Variants in LDLRAD2 observed in about 807,000 individuals in gnomAD.
LDLRAD2 encodes the protein low-density lipoprotein receptor class A domain-containing protein 2.
In LDLRAD2, 25 loss-of-function variants were observed where a neutral mutation model predicts 24.9. The ratio of observed to expected loss-of-function variants is 1.00; its 90% CI spans 0.73 to 1.40. The LOEUF is 1.40. Ranked by LOEUF, LDLRAD2 falls within the 40% of genes most tolerant of loss-of-function variation. The pLI is 0.00. For missense variants in LDLRAD2, 391 were observed against 366.2 expected, an observed-to-expected ratio of 1.07 and a Z score of -0.55; for synonymous variants, 182 against 166.7, an observed-to-expected ratio of 1.09 and a Z score of -0.71.
At chr1:21,812,564 A>C (rs1366758732) in intron 1 of LDLRAD2, 28 bp downstream of exon 1, 2 of 1,587,220 alleles carry the variant, frequency 1.3e-6, no homozygotes, top group Non-Finnish European at 1.7e-6. Context: ...TGGTTGGGGC[A>C]CCCAGAAGAC....
chr1:21,823,343 C>T lies in LDLRAD2; in HGVS notation c.*1128C>T, dbSNP rs760987196. On this transcript the variant is annotated 3_prime_UTR_variant, in exon 5 of 5. Coordinates refer to ENST00000344642, the MANE Select transcript of LDLRAD2 (RefSeq NM_001013693.3). Reference sequence around the variant, plus strand: ...ACGAGGGGCAGGGGCGTGTGTTGGCCCCGGCCTGGGCGCGGTGCTGCAGGT... The same window carrying T: ...ACGAGGGGCAGGGGCGTGTGTTGGCTCCGGCCTGGGCGCGGTGCTGCAGGT... The T allele has an allele frequency of 5.2e-6, 8 of 1,542,882 alleles. No homozygotes were observed. The Admixed American group carries it at 1.4e-4, about 26-fold the overall frequency.
chr1:21,815,459 AG>A (rs1312861937), intron 2 of LDLRAD2, among the ~76,000 whole-genome samples: 2 of 152,132 alleles, frequency 1.3e-5, no homozygotes, highest in Admixed American at 1.3e-4. Flanking sequence ...AAGCCAGGAA[AG>A]GGCCCTCTTG....
Position 21,816,085 on chromosome 1 carries a change from G to T in LDLRAD2, c.643+11G>T. 6.2e-7 allele frequency: 1 copy of T among 1,611,760 alleles called. No individual in the cohort carries two copies. Among genetic ancestry groups the T allele is most frequent in the East Asian group, 2.2e-5 (1 of 44,874 alleles). Reference sequence around the variant, plus strand: ...CAGCTGACTGCAGAGGTCAGTGCGGGGTGTGGACTGGGCCCTACTGAACAG... The same window carrying T: ...CAGCTGACTGCAGAGGTCAGTGCGGTGTGTGGACTGGGCCCTACTGAACAG... On this transcript the variant is annotated intron_variant, in intron 3 of 4. Transcript: ENST00000344642.
Position 21,823,871 on chromosome 1 carries a change from C to A in LDLRAD2, c.*1656C>A. Reference sequence around the variant, plus strand: ...TTCTTTCCCCCGCTGAACGAGAGATCGGGCCCCACAAACACAGCTTCCTCA... The same window carrying A: ...TTCTTTCCCCCGCTGAACGAGAGATAGGGCCCCACAAACACAGCTTCCTCA... On this transcript the variant is annotated 3_prime_UTR_variant, in exon 5 of 5. Coordinates refer to ENST00000344642, the MANE Select transcript of LDLRAD2 (RefSeq NM_001013693.3). 5.3e-6 allele frequency: 4 copies of A among 755,840 alleles called. No individual in the cohort carries two copies. The highest frequency in any genetic ancestry group is 9.1e-6 in the Non-Finnish European group (4 of 440,662). 46.8% of individuals were successfully genotyped at this position (755,840 alleles called of 1,614,324 possible).
intron 3 of LDLRAD2, among the ~76,000 whole-genome samples, chr1:21,818,308 G>C (rs7555231): frequency 6.6e-6 from 1 of 151,894 alleles, no homozygotes; most frequent in Non-Finnish European, 1.5e-5. Context: ...CTCCGCACCC[G>C]GCCTCATGTT....
At chr1:21,817,096 T>C (rs1351949503) in intron 3 of LDLRAD2, among the ~76,000 whole-genome samples, 2 of 152,068 alleles carry the variant, frequency 1.3e-5, no homozygotes, top group Non-Finnish European at 2.9e-5. Context: ...CATCTTTTAC[T>C]CCCCGCTTAA....
At chr1:21,822,032 GCTCT>G (rs2097952904) in intron 4 of LDLRAD2, 166 bp from the exon 5 acceptor site, 11 of 1,448,954 alleles carry the variant, frequency 7.6e-6, no homozygotes, top group Admixed American at 2.6e-5. Flanking sequence ...TAACCCCCTG[GCTCT>G]CTGTCTGATG....
Position 21,823,654 on chromosome 1 carries a change from G to A in LDLRAD2, c.*1439G>A, listed in dbSNP as rs1311842969. 6.2e-7 allele frequency: 1 copy of A among 1,613,710 alleles called. No individual in the cohort carries two copies. The highest frequency in any genetic ancestry group is 8.5e-7 in the Non-Finnish European group (1 of 1,179,988). ...GCCCTTGGCGTTGACTGCCACGTTGGGACCTGGGGACCGGCCGCTGACCAG... is the reference window on the plus strand; with the variant it reads ...GCCCTTGGCGTTGACTGCCACGTTGAGACCTGGGGACCGGCCGCTGACCAG... On this transcript the variant is annotated 3_prime_UTR_variant, in exon 5 of 5. Transcript: ENST00000344642.
At chr1:21,818,375 C>T (rs1201895683) in intron 3 of LDLRAD2, among the ~76,000 whole-genome samples, 1 of 152,236 alleles carries the variant, frequency 6.6e-6, no homozygotes, top group Non-Finnish European at 1.5e-5. Flanking sequence ...GGCAGTTTCT[C>T]AGGATTTCCT....
Position 21,823,854 on chromosome 1 carries a change from C to T in LDLRAD2, c.*1639C>T, listed in dbSNP as rs1050246527. On this transcript the variant is annotated 3_prime_UTR_variant, in exon 5 of 5. Transcript: ENST00000344642. ...CCTGTTTCCCAAGCTCTTTCTTTCC[C>T]CCGCTGAACGAGAGATCGGGCCCCA... is the stretch of plus-strand genomic sequence containing the variant. The T allele has an allele frequency of 1.3e-6, 1 of 791,956 alleles. No individual in the cohort carries two copies. Among genetic ancestry groups the T allele is most frequent in the African/African-American group, 1.7e-5 (1 of 58,798 alleles). 49.1% of individuals were successfully genotyped at this position (791,956 alleles called of 1,614,324 possible).
At chr1:21,820,782 C>G (rs771314075) in intron 3 of LDLRAD2, among the ~76,000 whole-genome samples, 7 of 152,230 alleles carry the variant, frequency 4.6e-5, no homozygotes, top group Non-Finnish European at 5.9e-5. Context: ...AAGAAGGAAC[C>G]TCTATGCCTC....
rs575477799 is a variant in LDLRAD2 at position 21,813,417 on chromosome 1, C to T, written c.85+881C>T. On this transcript the variant is annotated intron_variant, in intron 1 of 4. Coordinates refer to ENST00000344642, the MANE Select transcript of LDLRAD2 (RefSeq NM_001013693.3). ...AATACCAAATATTGGAAAGTGCTCCCACATCCTGAGCTCTGATGAAGGATT... is the reference window on the plus strand; with the variant it reads ...AATACCAAATATTGGAAAGTGCTCCTACATCCTGAGCTCTGATGAAGGATT... 2.0e-5 allele frequency among the ~76,000 whole-genome samples: 3 copies of T among 152,318 alleles called. No homozygotes were observed. In the South Asian group the frequency reaches 6.2e-4, roughly 32 times the overall value.
chr1:21,818,543 A>T (rs2152678486), intron 3 of LDLRAD2, among the ~76,000 whole-genome samples: 1 of 152,228 alleles, frequency 6.6e-6, no homozygotes, highest in Admixed American at 6.5e-5. Flanking sequence ...ACCAAACATG[A>T]CTTTGGTGTT....
In LDLRAD2 at chr1:21,822,522, G is replaced by A. The variant is rs2097954484; in HGVS notation, c.*307G>A. On this transcript the variant is annotated 3_prime_UTR_variant, in exon 5 of 5. Coordinates refer to ENST00000344642, the MANE Select transcript of LDLRAD2 (RefSeq NM_001013693.3). ...TCCGTTGTCTGTTGGAGGAGTCCCT[G>A]GGCCTTCACTTCCAGATGGGTGGGG... The A allele has an allele frequency of 2.4e-6, 1 of 417,196 alleles. No homozygotes were observed. The highest frequency in any genetic ancestry group is 3.5e-5 in the Admixed American group (1 of 28,574). The allele number at this position is 417,196 out of a possible 1,614,324, so 25.8% of individuals were successfully genotyped here.
chr1:21,824,212 C>T lies in LDLRAD2; in HGVS notation c.*1997C>T, dbSNP rs543798581. Reference sequence around the variant, plus strand: ...CCACTACCCAGCTGGTACCTGCAGTCATCCAGGCCCAAGAAGTATGAGCTG... The same window carrying T: ...CCACTACCCAGCTGGTACCTGCAGTTATCCAGGCCCAAGAAGTATGAGCTG... On this transcript the variant is annotated 3_prime_UTR_variant, in exon 5 of 5. Transcript: ENST00000344642. This position sits in a 1 kb window ranked among gnomAD's most constrained non-coding sequence, Gnocchi z 5.9. 5.0e-6 allele frequency: 8 copies of T among 1,613,678 alleles called. No homozygotes were observed. Among genetic ancestry groups the T allele is most frequent in the Non-Finnish European group, 1.7e-6 (2 of 1,180,008 alleles).
In LDLRAD2 at chr1:21,820,349, C is replaced by T. The variant is rs180819089; in HGVS notation, c.644-1101C>T. Among the ~76,000 whole-genome samples, 229 of 152,028 alleles carry T rather than the reference C, an allele frequency of 1.5e-3. 1 individual carries two copies. The highest frequency in any genetic ancestry group is 2.7e-3 in the Non-Finnish European group (181 of 67,950). ...AGGAGATCGAGACCACAGTGAAACC[C>T]CGTCTCTACTAAAAATACAAAAAAT... On this transcript the variant is annotated intron_variant, in intron 3 of 4. Transcript: ENST00000344642.
chr1:21,816,033 A>G lies in LDLRAD2; in HGVS notation c.602A>G (p.Asp201Gly), dbSNP rs2097943567. 1 of 1,613,728 alleles carries G rather than the reference A, an allele frequency of 6.2e-7. No homozygotes were observed. Among genetic ancestry groups the G allele is most frequent in the South Asian group, 1.1e-5 (1 of 91,092 alleles). ...CDPWGMDNCG[D>G]GSDQGSWSPA... Reference sequence around the variant, plus strand: ...CCCTGGGGCATGGACAACTGTGGCGATGGCAGTGACCAGGGCTCCTGGTCA... The same window carrying G: ...CCCTGGGGCATGGACAACTGTGGCGGTGGCAGTGACCAGGGCTCCTGGTCA... The change falls in exon 3 of 5, where the codon GAT becomes GGT. Residue 201 changes from aspartate (D) to glycine (G), a missense_variant. Coordinates refer to ENST00000344642, the MANE Select transcript of LDLRAD2 (RefSeq NM_001013693.3).
chr1:21,812,794 C>T (rs1322317647), intron 1 of LDLRAD2, among the ~76,000 whole-genome samples: 1 of 152,244 alleles, frequency 6.6e-6, no homozygotes, highest in Non-Finnish European at 1.5e-5. Context: ...CTTTGCAAAA[C>T]TCTGTAGGCT....
intron 3 of LDLRAD2, among the ~76,000 whole-genome samples, chr1:21,820,226 CT>C (rs2097948849): frequency 6.6e-6 from 1 of 152,224 alleles, no homozygotes; most frequent in Non-Finnish European, 1.5e-5. Context: ...ACGTTATGTG[CT>C]TTGCCACAGT....
Sources: gnomAD v4.1 joint callset for allele counts (sites outside exome capture counted in the v4.1 genomes callset) on GRCh38, gnomAD v4.1.1 for gene constraint, Gnocchi (gnomAD v3.1) non-coding constraint, MANE v1.5 for transcripts, NCBI Gene and HGNC (gene_info 2026-07-23, HGNC 2026-07-21) for gene names.